SIAE: variants seen among roughly 807,000 people sequenced by gnomAD.
The protein encoded by SIAE is sialate O-acetylesterase.
In SIAE, 39 loss-of-function variants were observed where a neutral mutation model predicts 52.6. That is an observed-to-expected ratio of 0.74 (90% CI 0.57 to 0.97). The LOEUF (loss-of-function observed/expected upper bound fraction) is 0.97, where lower values mean the gene tolerates loss of function less well. Among genes scored for constraint, SIAE ranks in the 50% least tolerant of loss-of-function variants. The pLI, the probability that SIAE is intolerant of heterozygous loss-of-function variation, is 0.00. For synonymous variants in SIAE, 233 were observed against 241.4 expected (o/e 0.97, Z 0.32); for missense variants, 592 against 662.1 (o/e 0.89, Z 1.16).
intron 2 of SIAE, among the ~76,000 whole-genome samples, chr11:124,668,345 C>T (rs1332168041): frequency 6.6e-6 from 1 of 152,224 alleles, no homozygotes; most frequent in African/African-American, 2.4e-5. Flanking sequence ...CACTGTGGCA[C>T]TTATCACACT....
At chr11:124,655,325 A>G (rs897405749) in intron 3 of SIAE, among the ~76,000 whole-genome samples, 3 of 151,910 alleles carry the variant, frequency 2.0e-5, no homozygotes, top group African/African-American at 2.4e-5. Flanking sequence ...ACAGGCGCCC[A>G]CCACCATGCC....
chr11:124,654,299 C>T, intron 4 of SIAE: 1 of 985,370 alleles, frequency 1.0e-6, no homozygotes, highest in Non-Finnish European at 1.2e-6. Context: ...TCAGAGTTAG[C>T]CCTGAAAAGA....
At chr11:124,673,847 C>T, upstream of SIAE, 5 of 850,430 alleles carry the variant, frequency 5.9e-6, no homozygotes, top group South Asian at 9.2e-5. Flanking sequence ...GCTGTACTCG[C>T]CCCTTCTCGG....
chr11:124,654,486 G>C, intron 4 of SIAE, 169 bp downstream of exon 4: 1 of 985,410 alleles, frequency 1.0e-6, no homozygotes, highest in Non-Finnish European at 1.2e-6. Context: ...GTAGTCTTGG[G>C]AAGAAACCTG....
intron 2 of SIAE, among the ~76,000 whole-genome samples, chr11:124,667,677 GCCT>G (rs1280517921): frequency 6.6e-6 from 1 of 152,114 alleles, no homozygotes; most frequent in Admixed American, 6.6e-5. Context: ...CCTCTGAGCA[GCCT>G]CCTCATCTGT....
At chr11:124,672,511 G>A (rs1943380309) in intron 1 of SIAE, among the ~76,000 whole-genome samples, 1 of 152,178 alleles carries the variant, frequency 6.6e-6, no homozygotes, top group African/African-American at 2.4e-5. Flanking sequence ...ACGCAACCAA[G>A]TAGAGTACTA....
In SIAE at chr11:124,636,638, A is replaced by C. The variant is rs1018093815; in HGVS notation, c.*313T>G. ...GAGATTCCCACAACTCTGGATAAAAAGGGGCAAAAGTATTAGACATTTCAC... is the reference window on the plus strand; with the variant it reads ...GAGATTCCCACAACTCTGGATAAAACGGGGCAAAAGTATTAGACATTTCAC... On this transcript the variant is annotated 3_prime_UTR_variant, in exon 10 of 10. Transcript: ENST00000263593. 2.7e-6 allele frequency: 1 copy of C among 365,956 alleles called. No individual in the cohort carries two copies. The highest frequency in any genetic ancestry group is 3.9e-5 in the Admixed American group (1 of 25,886). The allele number at this position is 365,956 out of a possible 1,614,324, so 22.7% of individuals were successfully genotyped here. A position where few individuals can be genotyped will look rare whatever the true frequency, so the allele number is the denominator to read the frequency against.
At chr11:124,655,967 C>T (rs999455838) in intron 3 of SIAE, among the ~76,000 whole-genome samples, 40 of 151,224 alleles carry the variant, frequency 2.6e-4, no homozygotes, top group East Asian at 1.9e-4. Context: ...AAATTCCACA[C>T]ATAAATACTT....
At chr11:124,646,454 G>A (rs1402111601) in intron 7 of SIAE, among the ~76,000 whole-genome samples, 2 of 152,134 alleles carry the variant, frequency 1.3e-5, no homozygotes, top group African/African-American at 4.8e-5. Context: ...TATGTAGGCT[G>A]TCTGGGACCT....
At chr11:124,643,709 A>G (rs924339583) in intron 7 of SIAE, among the ~76,000 whole-genome samples, 1 of 152,166 alleles carries the variant, frequency 6.6e-6, no homozygotes, top group Non-Finnish European at 1.5e-5. Flanking sequence ...TGTTTACATC[A>G]CCCTGTCCTT....
intron 5 of SIAE, 107 bp downstream of exon 5, chr11:124,649,512 A>T (rs916479661): frequency 1.7e-6 from 2 of 1,175,386 alleles, no homozygotes; most frequent in Non-Finnish European, 2.6e-6. Flanking sequence ...CATTCAACAC[A>T]TATTGGGACA....
At position 124,660,799 on chromosome 11, in the gene SIAE, G is replaced by C. The variant is rs2134382788; in HGVS notation, c.234C>G (p.His78Gln). Residue 78 changes from histidine (H) to glutamine (Q), a missense_variant, in exon 3 of 10, where the codon CAC becomes CAG. His to Gln is a conservative substitution (Grantham distance 24). Coordinates refer to ENST00000263593, the MANE Select transcript of SIAE (RefSeq NM_170601.5). The part of the protein sequence containing the change: ...IMKKVTSVKA[H>Q]SDTWMVVLDP... ...CCAGTACCACCATCCACGTATCAGAGTGAGCTGAAATAGTAACAGGACTCC... is the reference window on the plus strand; with the variant it reads ...CCAGTACCACCATCCACGTATCAGACTGAGCTGAAATAGTAACAGGACTCC... 6.2e-7 allele frequency: 1 copy of C among 1,614,138 alleles called. No individual in the cohort carries two copies. Among genetic ancestry groups the C allele is most frequent in the Middle Eastern group, 1.6e-4 (1 of 6,062 alleles).
intron 4 of SIAE, among the ~76,000 whole-genome samples, chr11:124,650,394 G>A (rs1202926528): frequency 6.6e-6 from 1 of 152,092 alleles, no homozygotes; most frequent in Non-Finnish European, 1.5e-5. Context: ...TTAGCTCTGT[G>A]GAAGGGAAAA....
Position 124,638,706 on chromosome 11 carries a change from A to G in SIAE, c.1156T>C (p.Tyr386His), listed in dbSNP as rs1482262063. 1.4e-5 allele frequency: 22 copies of G among 1,614,152 alleles called. No individual in the cohort carries two copies. The highest frequency in any genetic ancestry group is 3.3e-5 in the South Asian group (3 of 91,078). The change falls in exon 9 of 10, where the codon TAT (tyrosine) becomes CAT (histidine). Residue 386 changes from tyrosine to histidine, a missense_variant. Transcript: ENST00000263593. ...GCACGGGCCCCCAAATGCAGCCGATAAGCCACAGTCTGTTTATCTCGAGGG... is the reference window on the plus strand; with the variant it reads ...GCACGGGCCCCCAAATGCAGCCGATGAGCCACAGTCTGTTTATCTCGAGGG... ...IHPRDKQTVA[Y>H]RLHLGARALA...
intron 2 of SIAE, 86 bp from the exon 3 acceptor site, chr11:124,660,889 A>T (rs112859129): frequency 6.7e-7 from 1 of 1,494,482 alleles, no homozygotes; most frequent in South Asian, 1.1e-5. Context: ...GGCTATTCCC[A>T]GCCTCTGTAA....
At chr11:124,646,769 C>T in intron 7 of SIAE, among the ~76,000 whole-genome samples, 1 of 152,254 alleles carries the variant, frequency 6.6e-6, no homozygotes, top group African/African-American at 2.4e-5. Flanking sequence ...AGTGATTTAG[C>T]AACAAGGAAA....
chr11:124,647,396 G>C lies in SIAE; in HGVS notation c.935C>G (p.Thr312Arg). The C allele has an allele frequency of 6.2e-7, 1 of 1,614,194 alleles. No homozygotes were observed. Among genetic ancestry groups the C allele is most frequent in the Non-Finnish European group, 8.5e-7 (1 of 1,180,030 alleles). Residue 312 changes from threonine to arginine, a missense_variant, in exon 7 of 10, where the codon ACG (threonine) becomes AGG (arginine). Coordinates refer to ENST00000263593, the MANE Select transcript of SIAE (RefSeq NM_170601.5). ...ETFHRGSQGQTERFFPFGLVQ... is the reference protein window; with the variant it reads ...ETFHRGSQGQRERFFPFGLVQ... ...AAGTCCAAATGGGAAGAAACGCTCC[G>C]TCTGCCCCTGGGAACCACGGTGGAA...
At chr11:124,656,842 C>G (rs991801296) in intron 3 of SIAE, among the ~76,000 whole-genome samples, 2 of 152,162 alleles carry the variant, frequency 1.3e-5, no homozygotes, top group African/African-American at 4.8e-5. Context: ...CCAGCTGAGT[C>G]GGGGCTGCCA....
At chr11:124,656,054 A>G (rs760493918) in intron 3 of SIAE, among the ~76,000 whole-genome samples, 16 of 152,178 alleles carry the variant, frequency 1.1e-4, no homozygotes, top group Non-Finnish European at 1.9e-4. Flanking sequence ...TGCATAAGGT[A>G]TATAGGAAAC....
Sources: gnomAD v4.1 joint callset for allele counts (sites outside exome capture counted in the v4.1 genomes callset) on GRCh38, gnomAD v4.1.1 for gene constraint, MANE v1.5 for transcripts, NCBI Gene and HGNC (gene_info 2026-07-23, HGNC 2026-07-21) for gene names.